The following RAB38 variants were observed in gnomAD, a reference collection of about 807,000 sequenced individuals.
The protein encoded by RAB38 is ras-related protein Rab-38.
A neutral mutation model predicts 18.4 loss-of-function variants in RAB38; 15 were observed. That is an observed-to-expected ratio of 0.82 (90% CI 0.55 to 1.26). The LOEUF (loss-of-function observed/expected upper bound fraction) is 1.26, where lower values mean the gene tolerates loss of function less well. Ranked by LOEUF, RAB38 falls within the 50% of genes most tolerant of loss-of-function variation. The pLI is 0.00. For synonymous variants in RAB38, 101 were observed against 104.4 expected, an observed-to-expected ratio of 0.97 and a Z score of 0.20; for missense variants, 294 against 267.4, an observed-to-expected ratio of 1.10 and a Z score of -0.69.
chr11:88,095,360 C>T, the RAB38 span, among the ~76,000 whole-genome samples: 3 of 151,726 alleles, frequency 2.0e-5, no homozygotes, highest in East Asian at 1.9e-4. Flanking sequence ...CAGTAATTAC[C>T]TACTGATAGA....
chr11:88,005,231 C>G, the RAB38 span, among the ~76,000 whole-genome samples: 30 of 151,430 alleles, frequency 2.0e-4, no homozygotes, highest in African/African-American at 6.8e-4. Context: ...TACCAGATTA[C>G]GTAGATTACT....
At chr11:87,919,984 T>C in the RAB38 span, among the ~76,000 whole-genome samples, 1 of 151,910 alleles carries the variant, frequency 6.6e-6, no homozygotes, top group African/African-American at 2.4e-5. Context: ...TGTTATGTCA[T>C]TTCTTTCATT....
the RAB38 span, among the ~76,000 whole-genome samples, chr11:87,847,159 C>A: frequency 6.6e-6 from 1 of 151,608 alleles, no homozygotes; most frequent in Non-Finnish European, 1.5e-5. Flanking sequence ...ATAAAGAAAA[C>A]CCAGAAATCA....
the RAB38 span, among the ~76,000 whole-genome samples, chr11:87,823,009 A>G: frequency 8.5e-5 from 13 of 152,342 alleles, no homozygotes; most frequent in African/African-American, 3.1e-4. Flanking sequence ...AAAATATTAA[A>G]GTCTTGTTAA....
chr11:87,927,714 T>A, the RAB38 span, among the ~76,000 whole-genome samples: 1 of 151,998 alleles, frequency 6.6e-6, no homozygotes, highest in Non-Finnish European at 1.5e-5. Context: ...GTTGTCAGCC[T>A]TAGGCAAGTT....
At chr11:88,020,306 A>G in the RAB38 span, among the ~76,000 whole-genome samples, 1 of 152,204 alleles carries the variant, frequency 6.6e-6, no homozygotes, top group Non-Finnish European at 1.5e-5. Flanking sequence ...GTAGCTCTAC[A>G]TATATCAGAC....
At chr11:87,883,572 C>T in the RAB38 span, among the ~76,000 whole-genome samples, 3 of 151,850 alleles carry the variant, frequency 2.0e-5, no homozygotes, top group Non-Finnish European at 4.4e-5. Flanking sequence ...GAATATGTTG[C>T]CTTACATGGC....
chr11:88,074,635 A>C, the RAB38 span, among the ~76,000 whole-genome samples: 1 of 152,184 alleles, frequency 6.6e-6, no homozygotes, highest in African/African-American at 2.4e-5. Flanking sequence ...GTAAGAAAGG[A>C]AGGAAGGGAG....
chr11:88,005,575 C>T, the RAB38 span, among the ~76,000 whole-genome samples: 1 of 146,836 alleles, frequency 6.8e-6, no homozygotes, highest in Non-Finnish European at 1.5e-5. Flanking sequence ...GCTGTCTTTG[C>T]TGTGCAGAAG....
At chr11:87,945,317 C>G in the RAB38 span, among the ~76,000 whole-genome samples, 2 of 152,060 alleles carry the variant, frequency 1.3e-5, no homozygotes, top group Non-Finnish European at 2.9e-5. Flanking sequence ...CAAATGTGGA[C>G]AGAGGCTGAC....
the RAB38 span, among the ~76,000 whole-genome samples, chr11:88,013,057 C>T: frequency 1.3e-5 from 2 of 152,144 alleles, no homozygotes; most frequent in African/African-American, 4.8e-5. Flanking sequence ...AAAATCTCAT[C>T]CTTATGGTTC....
At chr11:87,856,771 C>G in the RAB38 span, among the ~76,000 whole-genome samples, 2 of 151,854 alleles carry the variant, frequency 1.3e-5, no homozygotes, top group Non-Finnish European at 2.9e-5. Context: ...GAATGTGAAC[C>G]AGTACTTGTA....
chr11:88,017,023 C>A, the RAB38 span, among the ~76,000 whole-genome samples: 7 of 151,808 alleles, frequency 4.6e-5, no homozygotes, highest in African/African-American at 1.7e-4. Flanking sequence ...AGAAGGTGCC[C>A]CTAGGGTTTC....
At chr11:87,923,085 A>T in the RAB38 span, among the ~76,000 whole-genome samples, 2 of 152,004 alleles carry the variant, frequency 1.3e-5, no homozygotes, top group African/African-American at 2.4e-5. Context: ...AACTGATTTA[A>T]TCATGGTAGC....
At chr11:88,109,393 T>C (rs1591148597), downstream of RAB38, among the ~76,000 whole-genome samples, 1 of 152,148 alleles carries the variant, frequency 6.6e-6, no homozygotes. Context: ...GTGACTTAAA[T>C]GTAAGACCTA....
At chr11:87,844,449 C>T in the RAB38 span, among the ~76,000 whole-genome samples, 4 of 152,094 alleles carry the variant, frequency 2.6e-5, no homozygotes, top group African/African-American at 7.2e-5. Flanking sequence ...AATCATTTTT[C>T]CTGCTGCAGT....
Position 88,122,326 on chromosome 11 carries a change from G to C in RAB38, c.484-8186C>G, listed in dbSNP as rs187420536. Among the ~76,000 whole-genome samples the C allele has an allele frequency of 3.7e-3, 568 of 152,250 alleles. 6 individuals are homozygous for C. The highest frequency in any genetic ancestry group is 0.013 in the African/African-American group (527 of 41,544). On this transcript the variant is annotated intron_variant, in intron 2 of 2. Transcript: ENST00000243662. ...CAGTAAGTTTTTAATTGTTCTCACT[G>C]TGAGTCTTTTACTGAAACAGTGCTG...
chr11:87,976,513 T>A, the RAB38 span, among the ~76,000 whole-genome samples: 7 of 70 alleles, frequency 0.1, no homozygotes, highest in Non-Finnish European at 0.12. Flanking sequence ...TGTAATATAT[T>A]TATATTTTAT....
the RAB38 span, among the ~76,000 whole-genome samples, chr11:87,875,636 T>A: frequency 1.3e-5 from 2 of 151,596 alleles, no homozygotes; most frequent in Non-Finnish European, 3.0e-5. Flanking sequence ...TTTTCTTAAA[T>A]TTTTCTAGTA....
Sources: allele counts gnomAD v4.1 joint callset (sites outside exome capture counted in the v4.1 genomes callset), GRCh38; gene constraint gnomAD v4.1.1; transcripts MANE v1.5; gene names NCBI Gene and HGNC (gene_info 2026-07-23, HGNC 2026-07-21).